The following TTN variants were observed in gnomAD, a reference collection of about 807,000 sequenced individuals.
TTN encodes connectin.
In TTN, 1,525 loss-of-function variants were observed where a neutral mutation model predicts 3,223.0. The ratio of observed to expected loss-of-function variants is 0.47; its 90% CI spans 0.45 to 0.49. TTN has a LOEUF of 0.49. TTN is among the 20% of genes least tolerant of loss of function. TTN has a pLI of 0.00. For synonymous variants in TTN, 14,094 were observed against 15,161.0 expected, an observed-to-expected ratio of 0.93 and a Z score of 5.17; for missense variants, 40,786 against 43,424.0, an observed-to-expected ratio of 0.94 and a Z score of 5.40.
chr2:178,768,201 T>C lies in TTN; in HGVS notation c.9164-46A>G, dbSNP rs1238120616. On this transcript the variant is annotated intron_variant, in intron 38 of 362. Coordinates refer to ENST00000589042, the MANE Select transcript of TTN (RefSeq NM_001267550.2). ...AAATTAACATTTTTAACAGCTTTAT[T>C]GAGATATAATTCACATACTGTACAA... 7 of 1,593,084 alleles carry C rather than the reference T, an allele frequency of 4.4e-6. No individual in the cohort carries two copies. In the African/African-American group the frequency reaches 9.4e-5, roughly 21 times the overall value.
Position 178,768,045 on chromosome 2 carries a change from T to G in TTN, c.9274A>C (p.Lys3092Gln). The G allele has an allele frequency of 6.2e-7, 1 of 1,614,188 alleles. No homozygotes were observed. Among genetic ancestry groups the G allele is most frequent in the South Asian group, 1.1e-5 (1 of 91,082 alleles). The change falls in exon 39 of 363, where the codon AAA becomes CAA. Residue 3092 changes from lysine (K) to glutamine (Q), a missense_variant. By Grantham distance (53) the Lys-to-Gln change is moderately conservative. Transcript: ENST00000589042. ...GTGATCTGCAGTTCCTGGTCATCTTTCATCCACTGTACAGTGATGTCAGGT... is the reference window on the plus strand; with the variant it reads ...GTGATCTGCAGTTCCTGGTCATCTTGCATCCACTGTACAGTGATGTCAGGT... ...SEPDITVQWM[K>Q]DDQELQITDR...
rs781458602 is a variant in TTN, at chr2:178,557,958, A to C, written c.87396T>G (p.Ile29132Met). Residue 29132 changes from isoleucine (I) to methionine (M), a missense_variant, in exon 328 of 363, where the codon ATT (isoleucine) becomes ATG (methionine). Coordinates refer to ENST00000589042, the MANE Select transcript of TTN (RefSeq NM_001267550.2). ...GAGGACCAGGCCTGTCTAGCACAAC[A>C]ATGTTAATGAAAGCTTTGGTTGTAC... ...SSGTTKAFIN[I>M]VVLDRPGPPT... 2 of 1,613,358 alleles carry C rather than the reference A, an allele frequency of 1.2e-6. No individual in the cohort carries two copies. The highest frequency in any genetic ancestry group is 1.7e-6 in the Non-Finnish European group (2 of 1,179,860).
Position 178,590,256 on chromosome 2 carries a change from A to G in TTN, c.61469T>C (p.Val20490Ala). Reference sequence around the variant, plus strand: ...AGCTAGAATGCGGATAGTTTGGCCTACTCTCACGGTAATAACATCACGACA... The same window carrying G: ...AGCTAGAATGCGGATAGTTTGGCCTGCTCTCACGGTAATAACATCACGACA... ...VTCRDVITVR[V>A]GQTIRILARV... Residue 20490 changes from valine (V) to alanine (A), a missense_variant, in exon 304 of 363, where the codon GTA becomes GCA. Physicochemically the swap from Val to Ala is moderately conservative, Grantham distance 64. Transcript: ENST00000589042. 5 of 1,581,366 alleles carry G rather than the reference A, an allele frequency of 3.2e-6. No individual in the cohort carries two copies. The highest frequency in any genetic ancestry group is 4.3e-6 in the Non-Finnish European group (5 of 1,164,226).
chr2:178,631,300 T>C lies in TTN; in HGVS notation c.43748A>G (p.Glu14583Gly), dbSNP rs1406338732. ...MSSEAKLTVL[E>G]GDPYFTGKLQ... Reference sequence around the variant, plus strand: ...TTTTCCTGTAAAATATGGGTCTCCCTCTGCAAGTAAAGTATAAGTGAAAAG... The same window carrying C: ...TTTTCCTGTAAAATATGGGTCTCCCCCTGCAAGTAAAGTATAAGTGAAAAG... The change falls in exon 237 of 363, where the codon GAG (glutamate) becomes GGG (glycine). Residue 14583 changes from glutamate (E) to glycine (G), a missense_variant and splice_region_variant. By Grantham distance (98) the Glu-to-Gly change is moderately conservative. Transcript: ENST00000589042. 2.5e-6 allele frequency: 4 copies of C among 1,603,592 alleles called. No individual in the cohort carries two copies. The highest frequency in any genetic ancestry group is 1.7e-5 in the Admixed American group (1 of 58,826).
Position 178,552,474 on chromosome 2 carries a change from A to C in TTN, c.90426T>G (p.Thr30142=). The change falls in exon 335 of 363, where the codon ACT becomes ACG. Residue 30142 remains threonine, a synonymous_variant. Coordinates refer to ENST00000589042, the MANE Select transcript of TTN (RefSeq NM_001267550.2). ...DLSDIPGAQV[T]VRIGHNVHLE... ...GGTGCACATTGTGCCCAATTCTCAC[A>C]GTGACTTGTGCCCCAGGGATATCTG... The C allele has an allele frequency of 6.2e-7, 1 of 1,610,910 alleles. No individual in the cohort carries two copies. The highest frequency in any genetic ancestry group is 8.5e-7 in the Non-Finnish European group (1 of 1,177,438).
chr2:178,577,183 T>G lies in TTN; in HGVS notation c.69152A>C (p.Asn23051Thr). The G allele has an allele frequency of 1.2e-6, 2 of 1,612,994 alleles. No individual in the cohort carries two copies. The highest frequency in any genetic ancestry group is 1.7e-4 in the Middle Eastern group (1 of 6,050). ...PGPPGPVEIS[N>T]VSAEKATLTW... ...AAGTGTTGCTTTTTCAGCAGAAACA[T>G]TACTGATTTCAACAGGACCTGGGGG... The change falls in exon 324 of 363, where the codon AAT becomes ACT. Residue 23051 changes from asparagine to threonine, a missense_variant. Physicochemically the swap from Asn to Thr is moderately conservative, Grantham distance 65. Coordinates refer to ENST00000589042, the MANE Select transcript of TTN (RefSeq NM_001267550.2).
At position 178,634,679 on chromosome 2, in the gene TTN, G is replaced by A. The variant is rs368007466; in HGVS notation, c.42151+44C>T. 1.1e-5 allele frequency: 17 copies of A among 1,611,576 alleles called. No individual in the cohort carries two copies. Among genetic ancestry groups the A allele is most frequent in the Admixed American group, 1.0e-4 (6 of 59,544 alleles). On this transcript the variant is annotated intron_variant, in intron 229 of 362. Coordinates refer to ENST00000589042, the MANE Select transcript of TTN (RefSeq NM_001267550.2). The surrounding 1 kb of genome is among the most constrained non-coding windows in gnomAD (Gnocchi z 4.6). Reference sequence around the variant, plus strand: ...GGCTTTTCAGAATGCACAGGGAAGTGAAATAAAGTTGAGACCCCTCCCCAA... The same window carrying A: ...GGCTTTTCAGAATGCACAGGGAAGTAAAATAAAGTTGAGACCCCTCCCCAA...
chr2:178,674,027 T>C (rs901492324), intron 151 of TTN, among the ~76,000 whole-genome samples: 2 of 151,626 alleles, frequency 1.3e-5, no homozygotes, highest in African/African-American at 4.8e-5. Flanking sequence ...AAAAACAAAA[T>C]TAAGGATTGA....
rs769906829 is a variant in TTN, at chr2:178,588,084, G to A, written c.63323C>T (p.Ala21108Val). 4 of 1,612,878 alleles carry A rather than the reference G, an allele frequency of 2.5e-6. No individual in the cohort carries two copies. In the South Asian group the frequency reaches 4.4e-5, roughly 18 times the overall value. Reference sequence around the variant, plus strand: ...CCAGCCTTCATCAGGAGACGCATCTGCTATTTTTGGTCTCATTTCCACAAC... The same window carrying A: ...CCAGCCTTCATCAGGAGACGCATCTACTATTTTTGGTCTCATTTCCACAAC... ...GYVVEMRPKI[A>V]DASPDEGWKR... The change falls in exon 305 of 363, where the codon GCA becomes GTA. Residue 21108 changes from alanine to valine, a missense_variant. By Grantham distance (64) the Ala-to-Val change is moderately conservative. Transcript: ENST00000589042.
In TTN at chr2:178,722,891, A is replaced by C. The variant is rs976920570; in HGVS notation, c.22008T>G (p.Val7336=). 1 of 1,612,984 alleles carries C rather than the reference A, an allele frequency of 6.2e-7. No homozygotes were observed. Among genetic ancestry groups the C allele is most frequent in the Non-Finnish European group, 8.5e-7 (1 of 1,179,392 alleles). ...VTELEPLEAA[V]GDSVSLQCQV... ...GGCATTGTAAAGAAACCGAATCTCC[A>C]ACTGCTGCCTCCAGAGGTTCCAGTT... is the stretch of plus-strand genomic sequence containing the variant. The change falls in exon 76 of 363, where the codon GTT becomes GTG. Residue 7336 remains valine (V), a synonymous_variant. Transcript: ENST00000589042.
intron 10 of TTN, 44 bp downstream of exon 10, chr2:178,792,028 G>C (rs1188242796): frequency 6.2e-7 from 1 of 1,600,702 alleles, no homozygotes; most frequent in East Asian, 2.3e-5. Context: ...GCTGTAATGT[G>C]ATATTGTCAA....
At chr2:178,778,529 C>T (rs1372402759) in intron 24 of TTN, 1 of 342,758 alleles carries the variant, frequency 2.9e-6, no homozygotes, top group African/African-American at 2.1e-5. Flanking sequence ...TTCATAGATT[C>T]CCAGGGCCTC....
At chr2:178,753,324 C>A in intron 46 of TTN, 144 bp from the exon 47 acceptor site, 1 of 618,946 alleles carries the variant, frequency 1.6e-6, no homozygotes. Flanking sequence ...AAGTCCATGC[C>A]AAACAAACTA....
intron 349 of TTN, 28 bp from the exon 350 acceptor site, chr2:178,541,612 AT>A (rs750992416): frequency 6.4e-7 from 1 of 1,562,570 alleles, no homozygotes; most frequent in South Asian, 1.2e-5. Context: ...TTAACACGAT[AT>A]GGCAATATGA....
In TTN at chr2:178,713,361, G is replaced by A. The variant is rs1253037269; in HGVS notation, c.26773C>T (p.Pro8925Ser). The change falls in exon 93 of 363, where the codon CCT becomes TCT. Residue 8925 changes from proline (P) to serine (S), a missense_variant. Physicochemically the swap from Pro to Ser is moderately conservative, Grantham distance 74 (BLOSUM62 -1). Coordinates refer to ENST00000589042, the MANE Select transcript of TTN (RefSeq NM_001267550.2). ...ASLQVSDRTV[P>S]PSFTRKLKET... ...TTCAATTTTCTTGTGAATGAAGGAGGAACGGTTCGGTCTGAATGATACAAA... is the reference window on the plus strand; with the variant it reads ...TTCAATTTTCTTGTGAATGAAGGAGAAACGGTTCGGTCTGAATGATACAAA... The A allele has an allele frequency of 9.8e-6, 15 of 1,527,874 alleles. No individual in the cohort carries two copies. Among genetic ancestry groups the A allele is most frequent in the Non-Finnish European group, 1.3e-5 (15 of 1,137,182 alleles). 94.6% of individuals were successfully genotyped at this position (1,527,874 alleles called of 1,614,324 possible).
At chr2:178,694,753 T>C in intron 116 of TTN, 76 bp downstream of exon 116, 2 of 1,486,308 alleles carry the variant, frequency 1.3e-6, no homozygotes, top group Non-Finnish European at 1.8e-6. Flanking sequence ...TTTGATTATA[T>C]AAATAACTAA....
At chr2:178,558,832 A>G in intron 326 of TTN, 195 bp from the exon 327 acceptor site, 1 of 571,756 alleles carries the variant, frequency 1.7e-6, no homozygotes, top group Non-Finnish European at 3.0e-6. Flanking sequence ...TACATGCTAT[A>G]GCATTCAAAT....
At position 178,533,441 on chromosome 2, in the gene TTN, G is replaced by C; in HGVS notation, c.103174C>G (p.Pro34392Ala). Residue 34392 changes from proline to alanine, a missense_variant, in exon 358 of 363, where the codon CCA (proline) becomes GCA (alanine). Transcript: ENST00000589042. ...CCATCTTTCTCCCATTTTAATGTTG[G>C]TGGGGGGATGCCAGACACTCTGATC... is the stretch of plus-strand genomic sequence containing the variant. Reference protein sequence around the residue: ...FEIRVSGIPPPTLKWEKDGQP... With the variant: ...FEIRVSGIPPATLKWEKDGQP... 6.2e-7 allele frequency: 1 copy of C among 1,613,862 alleles called. No homozygotes were observed. Among genetic ancestry groups the C allele is most frequent in the South Asian group, 1.1e-5 (1 of 91,084 alleles).
rs1560675339 is a variant in TTN at position 178,721,008 on chromosome 2, C to T, written c.23011G>A (p.Ala7671Thr). Residue 7671 changes from alanine to threonine, a missense_variant, in exon 79 of 363, where the codon GCT (alanine) becomes ACT (threonine). Coordinates refer to ENST00000589042, the MANE Select transcript of TTN (RefSeq NM_001267550.2). ...TAGTCCCCGCTGTCTTCAGCACTAGCTTCATTGATCGTAAGCAATGCCACA... is the reference window on the plus strand; with the variant it reads ...TAGTCCCCGCTGTCTTCAGCACTAGTTTCATTGATCGTAAGCAATGCCACA... ...NSVALLTINE[A>T]SAEDSGDYIC... 1 of 1,613,202 alleles carries T rather than the reference C, an allele frequency of 6.2e-7. No individual in the cohort carries two copies. The highest frequency in any genetic ancestry group is 8.5e-7 in the Non-Finnish European group (1 of 1,179,372).
Sources: gnomAD v4.1 joint callset for allele counts (sites outside exome capture counted in the v4.1 genomes callset) on GRCh38, gnomAD v4.1.1 for gene constraint, Gnocchi (gnomAD v3.1) non-coding constraint, MANE v1.5 for transcripts, NCBI Gene and HGNC (gene_info 2026-07-23, HGNC 2026-07-21) for gene names.